Variants in NLGN4X observed in about 807,000 individuals in gnomAD.
NLGN4X encodes the protein neuroligin-4, X-linked.
Under a neutral mutation model 40.3 loss-of-function variants are expected in NLGN4X, and 3 were observed. The observed-to-expected ratio is 0.07, with a 90% CI of 0.03 to 0.19. NLGN4X has a LOEUF of 0.19. NLGN4X is among the 10% of genes least tolerant of loss of function. NLGN4X has a pLI of 1.00. For synonymous variants in NLGN4X, 270 were observed against 306.8 expected (o/e 0.88, Z 1.25); for missense variants, 382 against 708.3 (o/e 0.54, Z 5.23).
At chrX:6,203,562 C>G (rs1923800616) in intron 1 of NLGN4X, among the ~76,000 whole-genome samples, 1 of 112,356 alleles carries the variant, frequency 8.9e-6, no homozygotes, top group South Asian at 3.7e-4. Flanking sequence ...ACCTTAGACT[C>G]TCTTTCAGCC....
intron 1 of NLGN4X, among the ~76,000 whole-genome samples, chrX:6,157,927 A>G (rs1192451024): frequency 8.9e-6 from 1 of 111,780 alleles, no homozygotes; most frequent in Non-Finnish European, 1.9e-5. Context: ...CCTGCCCACT[A>G]GGAGCTTACA....
intron 2 of NLGN4X, among the ~76,000 whole-genome samples, chrX:6,129,154 A>C (rs1437045669): frequency 8.9e-6 from 1 of 112,188 alleles, no homozygotes. Flanking sequence ...AGAAAACTGA[A>C]ATCTTCCTTT....
chrX:6,111,919 G>A (rs922792687), intron 2 of NLGN4X, among the ~76,000 whole-genome samples: 1 of 111,198 alleles, frequency 9.0e-6, no homozygotes, highest in Admixed American at 9.6e-5. Flanking sequence ...AAATATTCAG[G>A]GTAGCAAAAA....
intron 2 of NLGN4X, among the ~76,000 whole-genome samples, chrX:6,048,700 T>A (rs1282960037): frequency 9.0e-6 from 1 of 110,893 alleles, no homozygotes; most frequent in African/African-American, 3.3e-5. Flanking sequence ...TGCAGAGACA[T>A]GGATGGAGGT....
At chrX:6,003,627 G>C (rs2036027305) in intron 3 of NLGN4X, among the ~76,000 whole-genome samples, 1 of 111,957 alleles carries the variant, frequency 8.9e-6, no homozygotes, top group Non-Finnish European at 1.9e-5. Flanking sequence ...GGCTGTGCCT[G>C]TTGCTGCCTC....
intron 3 of NLGN4X, among the ~76,000 whole-genome samples, chrX:6,018,474 C>A (rs2036448944): frequency 8.9e-6 from 1 of 111,802 alleles, no homozygotes; most frequent in Non-Finnish European, 1.9e-5. Flanking sequence ...TTATGCCTGT[C>A]TACACTGAAA....
At chrX:5,926,053 A>T (rs749820672) in intron 3 of NLGN4X, among the ~76,000 whole-genome samples, 2 of 103,146 alleles carry the variant, frequency 1.9e-5, no homozygotes, top group East Asian at 3.2e-4. Context: ...ATGTTGTGGG[A>T]GGAACCAGGT....
At chrX:6,048,044 C>T (rs1193117071) in intron 2 of NLGN4X, among the ~76,000 whole-genome samples, 1 of 111,817 alleles carries the variant, frequency 8.9e-6, no homozygotes, top group Non-Finnish European at 1.9e-5. Flanking sequence ...GAAATTCCCG[C>T]TGTGCCCTGT....
intron 2 of NLGN4X, among the ~76,000 whole-genome samples, chrX:6,044,094 C>T (rs2037248445): frequency 2.3e-5 from 1 of 42,689 alleles, no homozygotes; most frequent in Non-Finnish European, 4.4e-5. Flanking sequence ...TAATGAGAAC[C>T]TGTTTCTATT....
intron 1 of NLGN4X, among the ~76,000 whole-genome samples, chrX:6,223,529 T>G (rs1388356345): frequency 8.9e-6 from 1 of 112,645 alleles, no homozygotes; most frequent in Non-Finnish European, 1.9e-5. Context: ...TTCTTTTTTT[T>G]CTTGTTCATG....
At position 6,151,755 on chromosome X, in the gene NLGN4X, G is replaced by A; in HGVS notation, c.-289C>T. Reference sequence around the variant, plus strand: ...AACACCTCCAGGGACAATTTCTTATGAAAACTCCAAGGCAGCCTAAAAGAG... The same window carrying A: ...AACACCTCCAGGGACAATTTCTTATAAAAACTCCAAGGCAGCCTAAAAGAG... On this transcript the variant is annotated 5_prime_UTR_variant, in exon 2 of 6. Transcript: ENST00000381095. 1 of 372,898 alleles carries A rather than the reference G, an allele frequency of 2.7e-6. No individual in the cohort carries two copies. Among genetic ancestry groups the A allele is most frequent in the Non-Finnish European group, 4.7e-6 (1 of 212,069 alleles). The allele number at this position is 372,898 out of a possible 1,213,427, so 30.7% of individuals were successfully genotyped here.
At chrX:5,990,725 AACAGACTAAGGGCAAATAT>A (rs1247862157) in intron 3 of NLGN4X, among the ~76,000 whole-genome samples, 1 of 111,778 alleles carries the variant, frequency 8.9e-6, no homozygotes, top group African/African-American at 3.3e-5. Flanking sequence ...AGTTGGATGA[AACAGACTAAGGGCAAATAT>A]ACAGTATGCT....
At chrX:6,041,888 G>A (rs115925019) in intron 2 of NLGN4X, among the ~76,000 whole-genome samples, 4 of 112,457 alleles carry the variant, frequency 3.6e-5, no homozygotes, top group East Asian at 2.8e-4. Context: ...CAGCCTTTAC[G>A]TAACAAGTGT....
chrX:5,902,719 G>A (rs2031941557), intron 5 of NLGN4X, among the ~76,000 whole-genome samples: 1 of 111,664 alleles, frequency 9.0e-6, no homozygotes, highest in South Asian at 3.7e-4. Context: ...AAACAAAACC[G>A]TTTAATCAGC....
chrX:6,004,136 G>A (rs766628241), intron 3 of NLGN4X, among the ~76,000 whole-genome samples: 61 of 112,427 alleles, frequency 5.4e-4, no homozygotes, highest in Non-Finnish European at 4.9e-4. Flanking sequence ...TATTTCCCAT[G>A]TTGGGGTGGA....
At chrX:6,217,692 C>G in intron 1 of NLGN4X, among the ~76,000 whole-genome samples, 1 of 111,876 alleles carries the variant, frequency 8.9e-6, no homozygotes, top group East Asian at 2.8e-4. Context: ...ATTTTCCCCA[C>G]TTTCTACTAC....
chrX:6,036,608 GCGCACA>G (rs1329621125), intron 2 of NLGN4X, among the ~76,000 whole-genome samples: 1 of 75,659 alleles, frequency 1.3e-5, no homozygotes, highest in African/African-American at 4.7e-5. Context: ...CTTGTGGCTG[GCGCACA>G]CACACACACA....
rs749574818 is a variant in NLGN4X at position 6,225,689 on chromosome X, C to CTTTTT, written c.-306+2847_-306+2851dup. Among the ~76,000 whole-genome samples the CTTTTT allele has an allele frequency of 2.2e-3, 60 of 26,862 alleles. 3 individuals carry two copies. Among genetic ancestry groups the CTTTTT allele is most frequent in the Non-Finnish European group, 2.7e-3 (42 of 15,444 alleles). 23.3% of individuals were successfully genotyped at this position (26,862 alleles called of 115,157 possible). A position where few individuals can be genotyped will look rare whatever the true frequency, so the allele number is the denominator to read the frequency against. On this transcript the variant is annotated intron_variant, in intron 1 of 5. Transcript: ENST00000381095. ...TTTCCTTTTTTTTCTTTCTTTTTTT[C>CTTTTT]TTTTTTTTTTTTTTTTTTTTTTTTT...
At chrX:6,059,531 G>A (rs969123712) in intron 2 of NLGN4X, among the ~76,000 whole-genome samples, 2 of 111,457 alleles carry the variant, frequency 1.8e-5, no homozygotes, top group Non-Finnish European at 3.8e-5. Flanking sequence ...GTCTGCCTTG[G>A]GTTTCTCAGC....
Sources: allele counts gnomAD v4.1 joint callset (sites outside exome capture counted in the v4.1 genomes callset), GRCh38; gene constraint gnomAD v4.1.1; transcripts MANE v1.5; gene names NCBI Gene and HGNC (gene_info 2026-07-23, HGNC 2026-07-21).